The following PLCZ1 variants were observed in gnomAD, a reference collection of about 807,000 sequenced individuals.
PLCZ1 encodes phospholipase C zeta 1.
PLCZ1 carries 64 observed loss-of-function variants against 76.8 expected under a neutral mutation model. The observed-to-expected ratio is 0.83, with a 90% CI of 0.68 to 1.03. The LOEUF (loss-of-function observed/expected upper bound fraction) is 1.03, where lower values mean the gene tolerates loss of function less well. Ranked by LOEUF, PLCZ1 falls within the 50% of genes least tolerant of loss-of-function variation. The probability of loss-of-function intolerance (pLI) is 0.00; values close to 1 mark genes in which losing one functional copy is unlikely to be tolerated. For synonymous variants in PLCZ1, 248 were observed against 230.8 expected, an observed-to-expected ratio of 1.07 and a Z score of -0.68; for missense variants, 751 against 713.7, an observed-to-expected ratio of 1.05 and a Z score of -0.60.
chr12:18,716,144 C>A (rs1957960674), intron 5 of PLCZ1, among the ~76,000 whole-genome samples: 1 of 151,992 alleles, frequency 6.6e-6, no homozygotes, highest in Non-Finnish European at 1.5e-5. Flanking sequence ...GCTTTCCTGA[C>A]TCGTATTTGA....
chr12:18,659,663 C>CTTTTTTTTTT, the PLCZ1 span, among the ~76,000 whole-genome samples: 3 of 133,818 alleles, frequency 2.2e-5, no homozygotes, highest in Non-Finnish European at 4.8e-5. Context: ...GTTCTCCATT[C>CTTTTTTTTTT]TTTTTTTTTT....
At chr12:18,700,907 G>A (rs1407600464) in intron 9 of PLCZ1, among the ~76,000 whole-genome samples, 9 of 151,730 alleles carry the variant, frequency 5.9e-5, no homozygotes, top group South Asian at 4.2e-4. Flanking sequence ...GGGAAATTAC[G>A]TTGTGTATCT....
intron 10 of PLCZ1, among the ~76,000 whole-genome samples, chr12:18,697,326 C>G (rs1419658599): frequency 6.6e-6 from 1 of 152,076 alleles, no homozygotes; most frequent in Non-Finnish European, 1.5e-5. Flanking sequence ...GTTACACATT[C>G]CTTGAGAGAA....
In PLCZ1 at chr12:18,721,833, G is replaced by C. The variant is rs1315589938; in HGVS notation, c.367+1478C>G. The stretch of plus-strand genomic sequence containing the variant: ...ACCTGCAAAAATTTAATGGTGCTGA[G>C]ACCAAATTGTCACTAAGACTCAACT... On this transcript the variant is annotated intron_variant, in intron 4 of 14. Transcript: ENST00000266505. Among the ~76,000 whole-genome samples, 3 of 151,830 alleles carry C rather than the reference G, an allele frequency of 2.0e-5. No individual in the cohort carries two copies. In the East Asian group the frequency reaches 5.8e-4, roughly 29 times the overall value.
At chr12:18,683,694 A>C (rs1224821717) in intron 14 of PLCZ1, 1 of 1,161,088 alleles carries the variant, frequency 8.6e-7, no homozygotes, top group East Asian at 5.1e-5. Context: ...TCACCCTGGA[A>C]AGGTGACTCT....
At chr12:18,657,296 G>C in the PLCZ1 span, among the ~76,000 whole-genome samples, 3 of 152,148 alleles carry the variant, frequency 2.0e-5, no homozygotes, top group Non-Finnish European at 4.4e-5. Context: ...GCTCTGAAAA[G>C]TTTCCACAAA....
chr12:18,693,420 G>A (rs941875965), intron 12 of PLCZ1: 1 of 1,604,306 alleles, frequency 6.2e-7, no homozygotes, highest in Non-Finnish European at 8.5e-7. Context: ...TGAAGAGATG[G>A]GTATAAAGCC....
chr12:18,712,957 T>G lies in PLCZ1; in HGVS notation c.599A>C (p.Glu200Ala). 2 of 1,613,892 alleles carry G rather than the reference T, an allele frequency of 1.2e-6. No homozygotes were observed. Among genetic ancestry groups the G allele is most frequent in the Non-Finnish European group, 1.7e-6 (2 of 1,179,840 alleles). Reference protein sequence around the residue: ...SALVKGCRCLEIDCWDGAQNE... With the variant: ...SALVKGCRCLAIDCWDGAQNE... ...TTGTGCTCCATCCCAGCAGTCAATC[T>G]CCAAACAACGGCATCCTTTCACAAG... Residue 200 changes from glutamate to alanine, a missense_variant, in exon 6 of 15, where the codon GAG becomes GCG. Physicochemically the swap from Glu to Ala is moderately radical, Grantham distance 107. Transcript: ENST00000266505.
In PLCZ1 at chr12:18,712,859, G is replaced by A. The variant is rs775682338; in HGVS notation, c.697C>T (p.His233Tyr). 6.2e-7 allele frequency: 1 copy of A among 1,613,772 alleles called. No individual in the cohort carries two copies. The highest frequency in any genetic ancestry group is 8.5e-7 in the Non-Finnish European group (1 of 1,179,732). ...LLFKTVIQAIHKYAFMTSDYP... is the reference protein window; with the variant it reads ...LLFKTVIQAIYKYAFMTSDYP... ...GTACATACCATGAATGCATACTTGTGTATAGCTTGGATAACAGTTTTAAAC... is the reference window on the plus strand; with the variant it reads ...GTACATACCATGAATGCATACTTGTATATAGCTTGGATAACAGTTTTAAAC... The change falls in exon 6 of 15, where the codon CAC becomes TAC. Residue 233 changes from histidine to tyrosine, a missense_variant. Physicochemically the swap from His to Tyr is moderately conservative, Grantham distance 83. Transcript: ENST00000266505.
chr12:18,651,133 A>G, the PLCZ1 span, among the ~76,000 whole-genome samples: 2 of 151,994 alleles, frequency 1.3e-5, no homozygotes, highest in African/African-American at 4.8e-5. Context: ...TGCTTATAAC[A>G]TTCAATCAAC....
intron 12 of PLCZ1, among the ~76,000 whole-genome samples, chr12:18,690,896 G>C (rs1252326701): frequency 2.0e-5 from 3 of 152,076 alleles, no homozygotes; most frequent in Admixed American, 6.6e-5. Context: ...AGGCAAGTAG[G>C]GCAAGGCCTG....
At chr12:18,720,206 C>T (rs1157689546) in intron 4 of PLCZ1, among the ~76,000 whole-genome samples, 1 of 151,950 alleles carries the variant, frequency 6.6e-6, no homozygotes, top group Non-Finnish European at 1.5e-5. Context: ...TGCTCATTCC[C>T]ATTACTTTAC....
intron 3 of PLCZ1, among the ~76,000 whole-genome samples, chr12:18,735,225 T>G (rs548572941): frequency 6.6e-6 from 1 of 152,352 alleles, no homozygotes; most frequent in African/African-American, 2.4e-5. Flanking sequence ...TTTCTTGTGG[T>G]GCCTTTGTCC....
intron 14 of PLCZ1, chr12:18,683,534 C>T: frequency 6.6e-7 from 1 of 1,510,662 alleles, no homozygotes; most frequent in Non-Finnish European, 8.9e-7. Context: ...ACTGAATACA[C>T]AGCTCATACT....
chr12:18,705,672 C>T, intron 6 of PLCZ1, among the ~76,000 whole-genome samples: 1 of 141,632 alleles, frequency 7.1e-6, no homozygotes, highest in East Asian at 2.2e-4. Context: ...TCGAGGCCAG[C>T]TTGTCCAGCA....
intron 5 of PLCZ1, chr12:18,714,886 C>T (rs537045095): frequency 6.6e-6 from 1 of 152,094 alleles, no homozygotes; most frequent in African/African-American, 2.4e-5. Context: ...AGAAACCCTG[C>T]TGTAAGTCAT....
At chr12:18,674,034 G>A in the PLCZ1 span, among the ~76,000 whole-genome samples, 1 of 152,186 alleles carries the variant, frequency 6.6e-6, no homozygotes, top group Non-Finnish European at 1.5e-5. Flanking sequence ...ATTACACAAA[G>A]CTGTGAGTAT....
chr12:18,718,128 TATA>T (rs1958190540), intron 5 of PLCZ1, among the ~76,000 whole-genome samples: 1 of 152,190 alleles, frequency 6.6e-6, no homozygotes, highest in Non-Finnish European at 1.5e-5. Context: ...TAGGTGAAGC[TATA>T]ATGTTTGGTA....
At chr12:18,697,102 G>A (rs996534087) in intron 10 of PLCZ1, among the ~76,000 whole-genome samples, 1 of 151,900 alleles carries the variant, frequency 6.6e-6, no homozygotes, top group African/African-American at 2.4e-5. Flanking sequence ...GCTTCTCCAA[G>A]GATTTTCTTT....
Sources: gnomAD v4.1 joint callset for allele counts (sites outside exome capture counted in the v4.1 genomes callset) on GRCh38, gnomAD v4.1.1 for gene constraint, MANE v1.5 for transcripts, NCBI Gene and HGNC (gene_info 2026-07-23, HGNC 2026-07-21) for gene names.